GALNT13: variants seen among roughly 807,000 people sequenced by gnomAD.
The protein encoded by GALNT13 is polypeptide N-acetylgalactosaminyltransferase 13, also known as UDP-GalNAc:polypeptide N-acetylgalactosaminyltransferase 13.
A neutral mutation model predicts 64.2 loss-of-function variants in GALNT13; 28 were observed. That is an observed-to-expected ratio of 0.44 (90% confidence interval 0.32 to 0.60). The LOEUF (loss-of-function observed/expected upper bound fraction) is 0.60. GALNT13 is among the 20% of genes least tolerant of loss of function. The pLI, the probability that GALNT13 is intolerant of heterozygous loss-of-function variation, is 0.05. For missense variants in GALNT13, 577 were observed against 669.8 expected, an observed-to-expected ratio of 0.86 and a Z score of 1.53; for synonymous variants, 214 against 224.6, an observed-to-expected ratio of 0.95 and a Z score of 0.42.
intron 9 of GALNT13, among the ~76,000 whole-genome samples, chr2:154,314,391 C>T (rs1694218305): frequency 6.6e-6 from 1 of 152,102 alleles, no homozygotes; most frequent in Non-Finnish European, 1.5e-5. Flanking sequence ...AGCTAAGTCC[C>T]CCAAATTAGA....
chr2:153,782,747 C>A, the GALNT13 span, among the ~76,000 whole-genome samples: 278 of 152,280 alleles, frequency 1.8e-3, 1 homozygote, highest in African/African-American at 5.7e-3. Flanking sequence ...TCAGAAGAAA[C>A]CAATCCTATC....
the GALNT13 span, among the ~76,000 whole-genome samples, chr2:153,495,059 G>C: frequency 6.6e-6 from 1 of 152,040 alleles, no homozygotes; most frequent in Admixed American, 6.6e-5. Context: ...ACTGAAAATA[G>C]ACACAATTTT....
At chr2:153,669,974 G>T in the GALNT13 span, among the ~76,000 whole-genome samples, 1 of 136,238 alleles carries the variant, frequency 7.3e-6, no homozygotes, top group Non-Finnish European at 1.6e-5. Context: ...GGGGGGAGGG[G>T]CATCTGCCAT....
At chr2:154,133,385 C>A (rs897778742) in intron 3 of GALNT13, among the ~76,000 whole-genome samples, 3 of 151,484 alleles carry the variant, frequency 2.0e-5, no homozygotes, top group Non-Finnish European at 4.4e-5. Context: ...CCATTAAGTC[C>A]ATAGTGTCCA....
At chr2:153,110,901 C>A in the GALNT13 span, among the ~76,000 whole-genome samples, 25 of 152,194 alleles carry the variant, frequency 1.6e-4, no homozygotes, top group East Asian at 4.8e-3. Context: ...ATTTCCTAAA[C>A]AAGGTTCTTT....
the GALNT13 span, among the ~76,000 whole-genome samples, chr2:153,235,031 T>C: frequency 2.0e-5 from 3 of 152,160 alleles, no homozygotes; most frequent in Non-Finnish European, 2.9e-5. Context: ...CAGTGATCTC[T>C]GATGTTACTG....
chr2:154,191,104 A>G (rs1686553062), intron 4 of GALNT13, among the ~76,000 whole-genome samples: 1 of 152,210 alleles, frequency 6.6e-6, no homozygotes, highest in African/African-American at 2.4e-5. Flanking sequence ...TTTAAGTGGC[A>G]AACACTGGAG....
chr2:153,640,816 G>A, the GALNT13 span, among the ~76,000 whole-genome samples: 5 of 152,126 alleles, frequency 3.3e-5, no homozygotes, highest in South Asian at 1.0e-3. Context: ...GTCTGCTGCA[G>A]CGGAGATACA....
the GALNT13 span, among the ~76,000 whole-genome samples, chr2:153,571,570 T>C: frequency 9.7e-4 from 148 of 152,164 alleles, no homozygotes; most frequent in African/African-American, 3.5e-3. Flanking sequence ...TTCAGTATGA[T>C]ACTAGCTGTG....
rs191582122 is a variant in GALNT13 at position 154,391,667 on chromosome 2, A to G, written c.1157-4324A>G. ...TGCAATATATGATGTGTATTAAGCA[A>G]TTATTATATTCCAGTCATTGTACTA... On this transcript the variant is annotated intron_variant, in intron 9 of 12. Transcript: ENST00000392825. Among the ~76,000 whole-genome samples, 50 of 152,334 alleles carry G rather than the reference A, an allele frequency of 3.3e-4. 2 individuals carry two copies. The highest frequency in any genetic ancestry group is 2.1e-3 in the South Asian group (10 of 4,826).
chr2:154,092,000 T>C (rs961502262), intron 3 of GALNT13, among the ~76,000 whole-genome samples: 1 of 143,456 alleles, frequency 7.0e-6, no homozygotes, highest in Non-Finnish European at 1.5e-5. Flanking sequence ...AAAAGCCCCA[T>C]CTGGCAACCG....
the GALNT13 span, among the ~76,000 whole-genome samples, chr2:153,494,385 ATG>A: frequency 6.6e-6 from 1 of 152,028 alleles, no homozygotes; most frequent in Non-Finnish European, 1.5e-5. Context: ...ACTATTTTAA[ATG>A]TGGTTTGGCA....
At chr2:154,027,818 T>C (rs1455044642) in intron 3 of GALNT13, among the ~76,000 whole-genome samples, 1 of 152,240 alleles carries the variant, frequency 6.6e-6, no homozygotes, top group Admixed American at 6.6e-5. Flanking sequence ...ACAAAGACAT[T>C]TCCTAAGGCT....
At chr2:153,937,435 T>G (rs1691019321) in intron 2 of GALNT13, among the ~76,000 whole-genome samples, 1 of 152,114 alleles carries the variant, frequency 6.6e-6, no homozygotes, top group Admixed American at 6.6e-5. Context: ...AATAGGAAAA[T>G]TCATAGCCAA....
chr2:154,196,229 A>G lies in GALNT13; in HGVS notation c.312-45801A>G, dbSNP rs141700466. Among the ~76,000 whole-genome samples the G allele has an allele frequency of 5.3e-3, 802 of 152,276 alleles. 9 individuals carry two copies. Among genetic ancestry groups the G allele is most frequent in the African/African-American group, 0.018 (762 of 41,576 alleles). On this transcript the variant is annotated intron_variant, in intron 4 of 12. Coordinates refer to ENST00000392825, the MANE Select transcript of GALNT13 (RefSeq NM_052917.4). ...CTTAGAAATGATCTGATACTCAAAA[A>G]AAAAAAACAACTCTCATGAATTACG...
the GALNT13 span, among the ~76,000 whole-genome samples, chr2:153,252,128 A>G: frequency 6.8e-6 from 1 of 147,268 alleles, no homozygotes; most frequent in African/African-American, 2.5e-5. Context: ...CCTCTCCAGC[A>G]CCTGTTGTTT....
chr2:154,072,171 G>A (rs1463730074), intron 3 of GALNT13, among the ~76,000 whole-genome samples: 2 of 152,060 alleles, frequency 1.3e-5, no homozygotes, highest in African/African-American at 4.8e-5. Flanking sequence ...ACAGGCAAGC[G>A]TAGAGAATAG....
At chr2:154,299,419 G>T (rs1460505719) in intron 8 of GALNT13, among the ~76,000 whole-genome samples, 1 of 151,176 alleles carries the variant, frequency 6.6e-6, no homozygotes, top group Non-Finnish European at 1.5e-5. Context: ...ATTTCATGAA[G>T]CTAGGAAGAT....
intron 3 of GALNT13, among the ~76,000 whole-genome samples, chr2:154,052,296 T>G (rs1009334145): frequency 6.6e-6 from 1 of 152,192 alleles, no homozygotes; most frequent in Non-Finnish European, 1.5e-5. Context: ...AAGTGTACTT[T>G]CCTGAGGTCA....
Sources: allele counts gnomAD v4.1 joint callset (sites outside exome capture counted in the v4.1 genomes callset), GRCh38; gene constraint gnomAD v4.1.1; transcripts MANE v1.5; gene names NCBI Gene and HGNC (gene_info 2026-07-23, HGNC 2026-07-21).